Variants in MBTD1 observed in about 807,000 individuals in gnomAD.
The protein encoded by MBTD1 is mbt domain containing 1.
MBTD1 carries 24 observed loss-of-function variants against 87.8 expected under a neutral mutation model. The observed-to-expected ratio is 0.27, with a 90% CI of 0.20 to 0.38. MBTD1 has a LOEUF of 0.38. MBTD1 is among the 10% of genes least tolerant of loss of function. The pLI is 1.00. For missense variants in MBTD1, 436 were observed against 760.2 expected (o/e 0.57, Z 5.02); for synonymous variants, 237 against 248.6 (o/e 0.95, Z 0.44).
intron 12 of MBTD1, among the ~76,000 whole-genome samples, chr17:51,201,227 A>T (rs1315211453): frequency 3.9e-5 from 6 of 152,298 alleles, no homozygotes; most frequent in Admixed American, 6.5e-5. Context: ...AAGCAGCAAA[A>T]ACTACTACCA....
At chr17:51,258,534 T>C (rs1268041896) in intron 2 of MBTD1, among the ~76,000 whole-genome samples, 1 of 151,390 alleles carries the variant, frequency 6.6e-6, no homozygotes, top group Non-Finnish European at 1.5e-5. Context: ...GTAAAAGCAT[T>C]TGGAAGAGAG....
At chr17:51,239,086 C>T (rs979195694) in intron 2 of MBTD1, among the ~76,000 whole-genome samples, 9 of 134,030 alleles carry the variant, frequency 6.7e-5, no homozygotes, top group South Asian at 2.6e-4. Context: ...GGCGACCAAG[C>T]GAGTCTCCAT....
chr17:51,206,813 T>C, intron 7 of MBTD1, 75 bp downstream of exon 7: 9 of 1,074,038 alleles, frequency 8.4e-6, no homozygotes, highest in Non-Finnish European at 1.3e-5. Flanking sequence ...TTGCAAAATT[T>C]ATAAACATGC....
chr17:51,222,132 C>G (rs1438734967), intron 3 of MBTD1, among the ~76,000 whole-genome samples: 1 of 152,180 alleles, frequency 6.6e-6, no homozygotes, highest in Admixed American at 6.5e-5. Flanking sequence ...AGAATTCCCA[C>G]AAGTAGGATG....
Position 51,218,959 on chromosome 17 carries a change from G to A in MBTD1, c.374C>T (p.Thr125Ile), listed in dbSNP as rs772253692. 3 of 1,549,604 alleles carry A rather than the reference G, an allele frequency of 1.9e-6. No individual in the cohort carries two copies. Among genetic ancestry groups the A allele is most frequent in the Admixed American group, 2.0e-5 (1 of 50,958 alleles). Reference protein sequence around the residue: ...KLAAYAQYQATLQNQAKTKAA... With the variant: ...KLAAYAQYQAILQNQAKTKAA... ...TTTTGTCTTTGCTTGATTTTGCAAG[G>A]TAGCTTGATACTGAGCATATGCGGC... Residue 125 changes from threonine (T) to isoleucine (I), a missense_variant, in exon 5 of 17, where the codon ACC becomes ATC. Thr to Ile is a moderately conservative substitution (Grantham distance 89). Transcript: ENST00000586178.
intron 2 of MBTD1, chr17:51,250,575 T>G (rs903509795): frequency 3.9e-5 from 6 of 152,232 alleles, no homozygotes; most frequent in African/African-American, 1.4e-4. Flanking sequence ...GTTATGTTGC[T>G]TTTGAGAAAT....
intron 2 of MBTD1, among the ~76,000 whole-genome samples, chr17:51,235,930 G>T (rs1450853984): frequency 3.9e-5 from 6 of 151,942 alleles, no homozygotes; most frequent in African/African-American, 1.5e-4. Context: ...AAGACAGTAG[G>T]GTTTTAGCAT....
chr17:51,189,546 T>C (rs548551049), intron 16 of MBTD1, among the ~76,000 whole-genome samples: 1 of 152,324 alleles, frequency 6.6e-6, no homozygotes, highest in Admixed American at 6.5e-5. Flanking sequence ...AAAACAGTTT[T>C]AACTCCACAA....
chr17:51,259,751 GGAGCTGCGGGGTTCCTGGGGTCGGA>G (rs977331827), intron 1 of MBTD1, 59 bp downstream of exon 1: 22 of 1,193,056 alleles, frequency 1.8e-5, no homozygotes, highest in Middle Eastern at 3.2e-4. Flanking sequence ...GCGGGGTCAG[GGAGCTGCGGGGTTCCTGGGGTCGGA>G]GAGCTGCAGG....
chr17:51,194,818 G>A (rs2145109216), intron 13 of MBTD1, among the ~76,000 whole-genome samples: 1 of 112,088 alleles, frequency 8.9e-6, no homozygotes, highest in African/African-American at 3.6e-5. Context: ...TTGGGCCCAG[G>A]AGTTGAAGTT....
chr17:51,254,053 C>T (rs1172711527), intron 2 of MBTD1, among the ~76,000 whole-genome samples: 3 of 152,190 alleles, frequency 2.0e-5, no homozygotes, highest in African/African-American at 4.8e-5. Context: ...TCCAAACCCA[C>T]TGGGAGCAGT....
chr17:51,221,204 G>A (rs954042916), intron 3 of MBTD1, among the ~76,000 whole-genome samples: 1 of 152,190 alleles, frequency 6.6e-6, no homozygotes, highest in East Asian at 1.9e-4. Context: ...AGGCTGAGGC[G>A]GGAGGACTGC....
intron 2 of MBTD1, chr17:51,250,014 C>T (rs1022268743): frequency 6.6e-6 from 1 of 152,148 alleles, no homozygotes; most frequent in Non-Finnish European, 1.5e-5. Flanking sequence ...CCTACTTCAG[C>T]CTCCTGAGTA....
At chr17:51,204,512 T>TAC (rs2051698565) in intron 7 of MBTD1, among the ~76,000 whole-genome samples, 2 of 147,814 alleles carry the variant, frequency 1.4e-5, no homozygotes, top group Non-Finnish European at 3.0e-5. Flanking sequence ...TATATATATA[T>TAC]ATTTTATGAA....
At chr17:51,205,606 G>A (rs1459002464) in intron 7 of MBTD1, among the ~76,000 whole-genome samples, 1 of 152,156 alleles carries the variant, frequency 6.6e-6, no homozygotes, top group East Asian at 1.9e-4. Flanking sequence ...TCTTGCAAGA[G>A]TAACCCAAGG....
intron 6 of MBTD1, among the ~76,000 whole-genome samples, chr17:51,212,550 GT>G (rs1392214457): frequency 6.6e-6 from 1 of 150,856 alleles, no homozygotes; most frequent in Non-Finnish European, 1.5e-5. Flanking sequence ...GGGATTATTA[GT>G]TTAGGTACCA....
intron 13 of MBTD1, 54 bp downstream of exon 13, chr17:51,195,160 C>T: frequency 1.3e-6 from 2 of 1,533,368 alleles, no homozygotes; most frequent in South Asian, 1.2e-5. Flanking sequence ...AAACAAAAAC[C>T]ATGTAAGAAG....
At chr17:51,244,736 T>C (rs1168695350) in intron 2 of MBTD1, among the ~76,000 whole-genome samples, 1 of 119,422 alleles carries the variant, frequency 8.4e-6, no homozygotes, top group East Asian at 2.0e-4. Context: ...TACTTCCATC[T>C]TTTTTTTGAG....
At chr17:51,192,577 T>C (rs2050864601) in intron 15 of MBTD1, 1 of 844,634 alleles carries the variant, frequency 1.2e-6, no homozygotes, top group East Asian at 2.7e-5. Context: ...ATAGTCATTA[T>C]GTAATTGACT....
Sources: gnomAD v4.1 joint callset for allele counts (sites outside exome capture counted in the v4.1 genomes callset) on GRCh38, gnomAD v4.1.1 for gene constraint, MANE v1.5 for transcripts, NCBI Gene and HGNC (gene_info 2026-07-23, HGNC 2026-07-21) for gene names.